Variants in XRN1 observed in about 807,000 individuals in gnomAD.
XRN1 encodes the protein strand-exchange protein 1 homolog.
In XRN1, 67 loss-of-function variants were observed where a neutral mutation model predicts 222.3. That is an observed-to-expected ratio of 0.30 (90% CI 0.25 to 0.37). XRN1 has a LOEUF of 0.37. XRN1 is among the 10% of genes least tolerant of loss of function. The probability of loss-of-function intolerance (pLI) is 1.00; values close to 1 mark genes in which losing one functional copy is unlikely to be tolerated. For synonymous variants in XRN1, 643 were observed against 652.4 expected, an observed-to-expected ratio of 0.99 and a Z score of 0.22; for missense variants, 1,707 against 2,000.2, an observed-to-expected ratio of 0.85 and a Z score of 2.80.
chr3:142,405,941 AAG>A (rs1325358706), intron 15 of XRN1, among the ~76,000 whole-genome samples: 1 of 152,194 alleles, frequency 6.6e-6, no homozygotes, highest in African/African-American at 2.4e-5. Context: ...CTTAAGGGGA[AAG>A]ACATTTTTTA....
Position 142,447,820 on chromosome 3 carries a change from C to T in XRN1, c.75+50G>A. 2 of 1,600,428 alleles carry T rather than the reference C, an allele frequency of 1.2e-6. No homozygotes were observed. The highest frequency in any genetic ancestry group is 1.7e-6 in the Non-Finnish European group (2 of 1,170,460). On this transcript the variant is annotated intron_variant, in intron 1 of 40. Coordinates refer to ENST00000392981, the MANE Select transcript of XRN1 (RefSeq NM_001282857.2). The surrounding 1 kb of genome is among the most constrained non-coding windows in gnomAD (Gnocchi z 4.2). ...CCCAGCTCTAAGGTGGAGAGGGCCG[C>T]GGAGCCCCGGGTCCTCGGCTTTCTG...
intron 30 of XRN1, among the ~76,000 whole-genome samples, chr3:142,358,534 A>C (rs1336051447): frequency 6.6e-6 from 1 of 152,186 alleles, no homozygotes; most frequent in African/African-American, 2.4e-5. Flanking sequence ...AATACACTGC[A>C]GGCAGGTAAT....
chr3:142,347,204 A>C, intron 33 of XRN1, 30 bp downstream of exon 33: 2 of 1,413,172 alleles, frequency 1.4e-6, no homozygotes, highest in Middle Eastern at 1.8e-4. Flanking sequence ...AGCAGCACAC[A>C]CAAGTACACC....
At chr3:142,341,350 A>T (rs2065988846) in intron 33 of XRN1, among the ~76,000 whole-genome samples, 1 of 152,154 alleles carries the variant, frequency 6.6e-6, no homozygotes, top group Non-Finnish European at 1.5e-5. Context: ...AATCACCTTC[A>T]CTAAAAGGAA....
At chr3:142,441,039 A>G (rs1283478320) in intron 1 of XRN1, among the ~76,000 whole-genome samples, 4 of 152,140 alleles carry the variant, frequency 2.6e-5, no homozygotes. Flanking sequence ...CAAGCCACCC[A>G]AGCGCTCTTA....
At chr3:142,371,632 T>C (rs2107891612) in intron 25 of XRN1, among the ~76,000 whole-genome samples, 1 of 152,312 alleles carries the variant, frequency 6.6e-6, no homozygotes, top group East Asian at 1.9e-4. Context: ...ATCTATAGGT[T>C]AGTTTTCTAA....
intron 33 of XRN1, among the ~76,000 whole-genome samples, chr3:142,340,287 G>A (rs1009534056): frequency 2.0e-5 from 3 of 151,862 alleles, no homozygotes; most frequent in Non-Finnish European, 4.4e-5. Flanking sequence ...CCCAGGAGGC[G>A]GAGGTAGCGG....
At chr3:142,353,928 A>C (rs540766450) in intron 32 of XRN1, among the ~76,000 whole-genome samples, 234 of 152,276 alleles carry the variant, frequency 1.5e-3, no homozygotes, top group African/African-American at 4.8e-3. Flanking sequence ...TGTGCATCTG[A>C]CAAAGGTCTA....
intron 20 of XRN1, among the ~76,000 whole-genome samples, chr3:142,388,730 T>C (rs1484304977): frequency 6.6e-6 from 1 of 152,240 alleles, no homozygotes; most frequent in Non-Finnish European, 1.5e-5. Flanking sequence ...TGCTATTTTA[T>C]AGCATTTTAC....
At chr3:142,433,931 T>C (rs1365295853) in intron 1 of XRN1, among the ~76,000 whole-genome samples, 1 of 152,160 alleles carries the variant, frequency 6.6e-6, no homozygotes, top group East Asian at 1.9e-4. Flanking sequence ...ATGAACACCA[T>C]CAAAACATAT....
At chr3:142,314,680 G>A (rs1006680393) in intron 39 of XRN1, among the ~76,000 whole-genome samples, 8 of 151,792 alleles carry the variant, frequency 5.3e-5, no homozygotes, top group African/African-American at 1.7e-4. Context: ...CGAGGCTGGC[G>A]GATCCCTTGA....
At chr3:142,423,811 GT>G (rs1195959778) in intron 5 of XRN1, among the ~76,000 whole-genome samples, 169 bp from the exon 6 acceptor site, 2 of 152,126 alleles carry the variant, frequency 1.3e-5, no homozygotes, top group African/African-American at 4.8e-5. Context: ...ATGAGATAAA[GT>G]GTACTTTTCT....
Position 142,318,701 on chromosome 3 carries a change from A to T in XRN1, c.4519-7T>A. The T allele has an allele frequency of 6.2e-7, 1 of 1,609,678 alleles. No homozygotes were observed. Among genetic ancestry groups the T allele is most frequent in the Non-Finnish European group, 8.5e-7 (1 of 1,177,722 alleles). ...AATTCATGCCTAAGGAGCCCTGTGG[A>T]AGTATTTAAAAGTTACAAGACAATG... On this transcript the variant is annotated splice_polypyrimidine_tract_variant and splice_region_variant and intron_variant, in intron 38 of 40. Coordinates refer to ENST00000392981, the MANE Select transcript of XRN1 (RefSeq NM_001282857.2).
chr3:142,368,236 CT>C lies in XRN1; in HGVS notation c.3204+2248del, dbSNP rs560266420. Among the ~76,000 whole-genome samples the C allele has an allele frequency of 4.3e-3, 652 of 152,158 alleles. 2 individuals are homozygous for C. The highest frequency in any genetic ancestry group is 0.015 in the African/African-American group (628 of 41,534). ...CAGTCTCGGCTCACTGCAACCTCCG[CT>C]TCCCAGGCTCAAGTGATTCTCCTGC... On this transcript the variant is annotated intron_variant, in intron 27 of 40. Coordinates refer to ENST00000392981, the MANE Select transcript of XRN1 (RefSeq NM_001282857.2).
chr3:142,338,994 T>C (rs771460608), intron 33 of XRN1, among the ~76,000 whole-genome samples: 11 of 152,216 alleles, frequency 7.2e-5, no homozygotes, highest in Non-Finnish European at 1.3e-4. Context: ...TCTCAGGATC[T>C]ACCTGGGACC....
At chr3:142,347,087 C>A (rs776039990) in intron 33 of XRN1, 147 bp downstream of exon 33, 15 of 614,312 alleles carry the variant, frequency 2.4e-5, no homozygotes, top group Non-Finnish European at 3.5e-5. Context: ...GTTGGTTATA[C>A]AATTTTGTGA....
chr3:142,423,522 T>G (rs777890311), intron 6 of XRN1, 38 bp downstream of exon 6: 1 of 1,501,582 alleles, frequency 6.7e-7, no homozygotes. Context: ...TATCCAGGCG[T>G]AATTTCTTTC....
At chr3:142,440,873 C>T (rs2070174318) in intron 1 of XRN1, among the ~76,000 whole-genome samples, 1 of 152,226 alleles carries the variant, frequency 6.6e-6, no homozygotes, top group South Asian at 2.1e-4. Context: ...CGTCTTAACT[C>T]ACCTGGACTG....
intron 1 of XRN1, among the ~76,000 whole-genome samples, chr3:142,437,521 C>T (rs2069968399): frequency 6.6e-6 from 1 of 152,220 alleles, no homozygotes; most frequent in African/African-American, 2.4e-5. Flanking sequence ...AAAGGTCCTG[C>T]ATGATTTGGC....
Sources: allele counts gnomAD v4.1 joint callset (sites outside exome capture counted in the v4.1 genomes callset), GRCh38; gene constraint gnomAD v4.1.1; non-coding constraint Gnocchi (gnomAD v3.1); transcripts MANE v1.5; gene names NCBI Gene and HGNC (gene_info 2026-07-23, HGNC 2026-07-21).